CFAP65: variants seen among roughly 807,000 people sequenced by gnomAD.
CFAP65 encodes the protein cilia and flagella associated protein 65, also known as cilia- and flagella-associated protein 65.
Under a neutral mutation model 208.0 loss-of-function variants are expected in CFAP65, and 155 were observed. The ratio of observed to expected loss-of-function variants is 0.75; its 90% CI spans 0.65 to 0.85. The LOEUF (loss-of-function observed/expected upper bound fraction) is 0.85. Among genes scored for constraint, CFAP65 ranks in the 40% least tolerant of loss-of-function variants. The probability of loss-of-function intolerance (pLI) is 0.00; values close to 1 mark genes in which losing one functional copy is unlikely to be tolerated. For missense variants in CFAP65, 2,294 were observed against 2,451.3 expected (o/e 0.94, Z 1.36); for synonymous variants, 970 against 986.3 (o/e 0.98, Z 0.31).
At position 219,031,457 on chromosome 2, in the gene CFAP65, C is replaced by T. The variant is rs764063968; in HGVS notation, c.815+32G>A. On this transcript the variant is annotated intron_variant, in intron 7 of 34. Transcript: ENST00000341552. The surrounding 1 kb of genome is among the most constrained non-coding windows in gnomAD (Gnocchi z 5.2). ...CCAGACACCCTCCTCACAGCTCTTG[C>T]TCTCCCCGCCGCACCTCAGCCTCTT... 2.7e-5 allele frequency: 44 copies of T among 1,613,910 alleles called. No homozygotes were observed. In the South Asian group the frequency reaches 4.7e-4, roughly 17 times the overall value.
chr2:219,035,904 C>T (rs910968846), intron 4 of CFAP65, among the ~76,000 whole-genome samples: 38 of 152,190 alleles, frequency 2.5e-4, no homozygotes, highest in Non-Finnish European at 8.8e-5. Flanking sequence ...TGTTTTGCAA[C>T]TAGAGCCCCT....
chr2:219,005,667 T>C lies in CFAP65; in HGVS notation c.4923-105A>G, dbSNP rs1945916687. 3 of 1,381,998 alleles carry C rather than the reference T, an allele frequency of 2.2e-6. No individual in the cohort carries two copies. In the East Asian group the frequency reaches 7.1e-5, roughly 33 times the overall value. The allele number at this position is 1,381,998 out of a possible 1,614,324, so 85.6% of individuals were successfully genotyped here. ...CCCAGTGATGAGGACACAGATGAGTTTGAGGCACTCCCAGCCTTAACCCAA... is the reference window on the plus strand; with the variant it reads ...CCCAGTGATGAGGACACAGATGAGTCTGAGGCACTCCCAGCCTTAACCCAA... On this transcript the variant is annotated intron_variant, in intron 31 of 34. Transcript: ENST00000341552.
At chr2:219,037,740 G>A (rs1255938704) in intron 4 of CFAP65, among the ~76,000 whole-genome samples, 1 of 152,156 alleles carries the variant, frequency 6.6e-6, no homozygotes, top group Non-Finnish European at 1.5e-5. Flanking sequence ...GGACAGAGAT[G>A]TCTTTTAAAA....
At chr2:219,039,098 G>T in intron 2 of CFAP65, 48 bp from the exon 3 acceptor site, 3 of 1,493,804 alleles carry the variant, frequency 2.0e-6, no homozygotes, top group Non-Finnish European at 2.7e-6. Context: ...CCAGAGCAGA[G>T]GGATCCTCGA....
chr2:219,035,502 T>A lies in CFAP65; in HGVS notation c.520A>T (p.Lys174Ter). The A allele has an allele frequency of 6.2e-7, 1 of 1,614,166 alleles. No individual in the cohort carries two copies. The highest frequency in any genetic ancestry group is 8.5e-7 in the Non-Finnish European group (1 of 1,180,034). Residue 174 changes from lysine (K) to a stop codon, truncating the protein, a stop_gained, in exon 5 of 35, where the codon AAA becomes TAA. Transcript: ENST00000341552. LOFTEE classifies it high-confidence loss of function. ...TACCTGTACTTCATCTTCTGGAGTTTCAAGGATCGATTTTTCAGAACCAGA... is the reference window on the plus strand; with the variant it reads ...TACCTGTACTTCATCTTCTGGAGTTACAAGGATCGATTTTTCAGAACCAGA... ...RNLVLKNRSL[K>*]LQKMKYRPPK... is the part of the protein sequence containing the mutation.
In CFAP65 at chr2:219,023,428, C is replaced by T. The variant is rs756386263; in HGVS notation, c.2599G>A (p.Val867Met). The change falls in exon 16 of 35, where the codon GTG (valine) becomes ATG (methionine). Residue 867 changes from valine (V) to methionine (M), a missense_variant. Coordinates refer to ENST00000341552, the MANE Select transcript of CFAP65 (RefSeq NM_194302.4). ...GGCTCCTCCCGGCTGTACATGCTCA[C>T]CTCCTGGAGCCAGAGGAAGAAGGGC... ...CNASPQYLKE[V>M]SMYSREEPLQ... is the part of the protein sequence containing the mutation. 6 of 1,564,710 alleles carry T rather than the reference C, an allele frequency of 3.8e-6. No homozygotes were observed. The highest frequency in any genetic ancestry group is 2.7e-5 in the African/African-American group (2 of 74,190).
intron 32 of CFAP65, 84 bp downstream of exon 32, chr2:219,005,350 G>T: frequency 6.5e-7 from 1 of 1,539,996 alleles, no homozygotes; most frequent in Non-Finnish European, 9.0e-7. Context: ...AAGAAAGGAA[G>T]AGTGCTGGAA....
Position 219,014,040 on chromosome 2 carries a change from A to G in CFAP65, c.3607T>C (p.Phe1203Leu). 1 of 1,608,316 alleles carries G rather than the reference A, an allele frequency of 6.2e-7. No individual in the cohort carries two copies. Among genetic ancestry groups the G allele is most frequent in the Admixed American group, 1.7e-5 (1 of 59,492 alleles). ...NSGVVSLDWAFLLPSDQRIDV... is the reference protein window; with the variant it reads ...NSGVVSLDWALLLPSDQRIDV... ...ATCCGCTGGTCACTTGGAAGGAGGA[A>G]GGCCCTGGGAGAGGGGTGCAAAGCC... is the stretch of plus-strand genomic sequence containing the variant. Residue 1203 changes from phenylalanine (F) to leucine (L), a missense_variant, in exon 22 of 35, where the codon TTC (phenylalanine) becomes CTC (leucine). Phe to Leu is a conservative substitution (Grantham distance 22). Around this residue, in one of 2 missense-constraint regions of CFAP65, gnomAD observed 1,427 missense variants for 1,438.7 expected, o/e 0.99. Transcript: ENST00000341552.
chr2:219,010,335 G>A (rs1174785853), intron 26 of CFAP65, among the ~76,000 whole-genome samples: 1 of 152,164 alleles, frequency 6.6e-6, no homozygotes, highest in Non-Finnish European at 1.5e-5. Flanking sequence ...AGGAACACCT[G>A]TGGGCACTAG....
At chr2:219,026,265 GAC>G (rs1374757227) in intron 13 of CFAP65, 106 bp from the exon 14 acceptor site, 2 of 1,235,622 alleles carry the variant, frequency 1.6e-6, no homozygotes, top group Non-Finnish European at 1.1e-6. Flanking sequence ...TCTGACATTG[GAC>G]ACAGACAGGA....
At chr2:219,005,620 G>T in intron 31 of CFAP65, 58 bp from the exon 32 acceptor site, 2 of 1,598,220 alleles carry the variant, frequency 1.3e-6, no homozygotes, top group Non-Finnish European at 1.7e-6. Context: ...GGGGTTGGGG[G>T]CACAAGCAGT....
In CFAP65 at chr2:219,013,897, C is replaced by A; in HGVS notation, c.3750G>T (p.Gly1250=). 6.2e-7 allele frequency: 1 copy of A among 1,612,140 alleles called. No individual in the cohort carries two copies. The highest frequency in any genetic ancestry group is 8.5e-7 in the Non-Finnish European group (1 of 1,179,092). ...ATTTTAACTCCACCATCTGCTCCTG[C>A]CCAGGACTCAGGCTCCCAGCCTTGG... ...ISPKAGSLSP[G]QEQMVELKYS... The change falls in exon 22 of 35, where the codon GGG becomes GGT. Residue 1250 remains glycine (G), a synonymous_variant. Transcript: ENST00000341552.
intron 21 of CFAP65, among the ~76,000 whole-genome samples, chr2:219,017,099 C>T (rs532791472): frequency 3.3e-4 from 51 of 152,318 alleles, no homozygotes; most frequent in Admixed American, 1.2e-3. Flanking sequence ...TAGTCTGCAG[C>T]GCCTCGAGGG....
intron 14 of CFAP65, 130 bp from the exon 15 acceptor site, chr2:219,024,390 C>T (rs1947479540): frequency 2.6e-6 from 3 of 1,135,810 alleles, no homozygotes; most frequent in Non-Finnish European, 3.6e-6. Flanking sequence ...GCAGCCCAGT[C>T]AACGCCCTGG....
chr2:219,013,748 G>T, intron 22 of CFAP65, 120 bp downstream of exon 22: 1 of 1,151,918 alleles, frequency 8.7e-7, no homozygotes, highest in Non-Finnish European at 1.3e-6. Flanking sequence ...TCCTCTGCAG[G>T]TGAGAAGGTG....
intron 16 of CFAP65, among the ~76,000 whole-genome samples, chr2:219,022,703 C>T (rs1334123944): frequency 6.6e-6 from 1 of 152,234 alleles, no homozygotes; most frequent in African/African-American, 2.4e-5. Flanking sequence ...TTACAGATGC[C>T]TGTGCTGGTG....
rs751921558 is a variant in CFAP65, at chr2:219,031,250, C to T, written c.871G>A (p.Ala291Thr). 2.2e-5 allele frequency: 36 copies of T among 1,613,790 alleles called. No homozygotes were observed. The highest frequency in any genetic ancestry group is 4.5e-5 in the East Asian group (2 of 44,862). Reference protein sequence around the residue: ...EFSSPFQMLPATGLLEPGQAS... With the variant: ...EFSSPFQMLPTTGLLEPGQAS... ...TGGCCTGGCTCCAGGAGCCCCGTGG[C>T]GGGCAGCATCTGGAATGGGCTGGAG... The change falls in exon 8 of 35, where the codon GCC (alanine) becomes ACC (threonine). Residue 291 changes from alanine (A) to threonine (T), a missense_variant. Coordinates refer to ENST00000341552, the MANE Select transcript of CFAP65 (RefSeq NM_194302.4). The surrounding 1 kb of genome is among the most constrained non-coding windows in gnomAD (Gnocchi z 5.2).
Position 219,003,252 on chromosome 2 carries a change from A to C in CFAP65, c.5576T>G (p.Leu1859Arg), listed in dbSNP as rs1285875316. 3.9e-6 allele frequency: 6 copies of C among 1,543,408 alleles called. No homozygotes were observed. The highest frequency in any genetic ancestry group is 2.6e-6 in the Non-Finnish European group (3 of 1,143,354). Reference protein sequence around the residue: ...AIRRLPAFANLQEALLENMIQ... With the variant: ...AIRRLPAFANRQEALLENMIQ... ...CATGTTCTCCAGCAGCGCCTCCTGCAGGTTGGCGAAGGCCGGGAGCCTGCG... is the reference window on the plus strand; with the variant it reads ...CATGTTCTCCAGCAGCGCCTCCTGCCGGTTGGCGAAGGCCGGGAGCCTGCG... Residue 1859 changes from leucine to arginine, a missense_variant, in exon 34 of 35, where the codon CTG becomes CGG. Around this residue, in one of 2 missense-constraint regions of CFAP65, gnomAD observed 1,427 missense variants for 1,438.7 expected, o/e 0.99. Coordinates refer to ENST00000341552, the MANE Select transcript of CFAP65 (RefSeq NM_194302.4). This position sits in a 1 kb window ranked among gnomAD's most constrained non-coding sequence, Gnocchi z 4.4.
chr2:219,021,098 C>T (rs969037261), intron 19 of CFAP65, 54 bp downstream of exon 19: 5 of 1,466,628 alleles, frequency 3.4e-6, no homozygotes, highest in Non-Finnish European at 4.5e-6. Flanking sequence ...CAGCCCTCCC[C>T]CTTCATCCTG....
Sources: allele counts gnomAD v4.1 joint callset (sites outside exome capture counted in the v4.1 genomes callset), GRCh38; gene constraint gnomAD v4.1.1; regional missense constraint gnomAD v4.1.1; non-coding constraint Gnocchi (gnomAD v3.1); transcripts MANE v1.5; gene names NCBI Gene and HGNC (gene_info 2026-07-23, HGNC 2026-07-21).